SLIT3: variants seen among roughly 807,000 people sequenced by gnomAD.
SLIT3 encodes the protein slit guidance ligand 3, also known as slit homolog 3 protein.
Under a neutral mutation model 184.0 loss-of-function variants are expected in SLIT3, and 68 were observed. That is an observed-to-expected ratio of 0.37 (90% CI 0.30 to 0.45). The LOEUF is 0.45. Among genes scored for constraint, SLIT3 ranks in the 20% least tolerant of loss-of-function variants. SLIT3 has a pLI of 1.00. For missense variants in SLIT3, 1,707 were observed against 2,026.0 expected, an observed-to-expected ratio of 0.84 and a Z score of 3.02; for synonymous variants, 831 against 828.6, an observed-to-expected ratio of 1.00 and a Z score of -0.05.
intron 8 of SLIT3, among the ~76,000 whole-genome samples, chr5:168,808,961 G>A (rs924817084): frequency 1.4e-4 from 22 of 152,258 alleles, no homozygotes; most frequent in African/African-American, 5.1e-4. Context: ...CTTCCTGTTT[G>A]GAAATGTCAG....
intron 7 of SLIT3, among the ~76,000 whole-genome samples, chr5:168,819,406 A>G (rs1757446498): frequency 6.6e-6 from 1 of 152,274 alleles, no homozygotes; most frequent in African/African-American, 2.4e-5. Context: ...AGCAGACCAC[A>G]GGGCAGCCTG....
intron 4 of SLIT3, among the ~76,000 whole-genome samples, chr5:169,146,295 C>T (rs1179241981): frequency 6.6e-6 from 1 of 152,244 alleles, no homozygotes; most frequent in East Asian, 1.9e-4. Context: ...AACGTATTCC[C>T]TCTTAAGCAC....
intron 3 of SLIT3, among the ~76,000 whole-genome samples, chr5:169,209,945 TA>T (rs142411571): frequency 0.26 from 39,935 of 151,746 alleles, 5,990 homozygotes; most frequent in East Asian, 0.64. Flanking sequence ...TAAAGTATAA[TA>T]AAAAAAAATT....
chr5:169,098,588 G>A (rs1759880106), intron 4 of SLIT3, among the ~76,000 whole-genome samples: 1 of 152,184 alleles, frequency 6.6e-6, no homozygotes, highest in Non-Finnish European at 1.5e-5. Context: ...GTCCCGTACA[G>A]TTTAGTAGAC....
Position 168,812,135 on chromosome 5 carries a change from T to C in SLIT3, c.793+5165A>G, listed in dbSNP as rs114712551. ...AAAATACCACATGATCTAAGTTATA[T>C]GTGGAATCTAAGAAAGTTGATCTCA... On this transcript the variant is annotated intron_variant, in intron 8 of 35. Transcript: ENST00000519560. 5.5e-3 allele frequency among the ~76,000 whole-genome samples: 843 copies of C among 152,278 alleles called. 6 individuals carry two copies. The highest frequency in any genetic ancestry group is 0.019 in the African/African-American group (805 of 41,544).
At chr5:168,880,417 GTC>G (rs1759908975) in intron 5 of SLIT3, among the ~76,000 whole-genome samples, 1 of 152,212 alleles carries the variant, frequency 6.6e-6, no homozygotes, top group African/African-American at 2.4e-5. Context: ...CCCATGAGAT[GTC>G]TCTGCTGGAA....
chr5:168,840,665 C>A (rs541628460), intron 6 of SLIT3, among the ~76,000 whole-genome samples: 2 of 152,000 alleles, frequency 1.3e-5, no homozygotes, highest in Non-Finnish European at 2.9e-5. Flanking sequence ...GTGTTGTATG[C>A]GAATTACCAA....
intron 5 of SLIT3, among the ~76,000 whole-genome samples, chr5:168,868,487 C>T (rs919353789): frequency 2.0e-5 from 3 of 152,030 alleles, no homozygotes; most frequent in African/African-American, 7.2e-5. Context: ...CAGCGGCTCA[C>T]GCCTGTAATT....
At chr5:169,188,420 T>A (rs1763432907) in intron 4 of SLIT3, among the ~76,000 whole-genome samples, 1 of 152,128 alleles carries the variant, frequency 6.6e-6, no homozygotes, top group South Asian at 2.1e-4. Context: ...AAGGGAGAAA[T>A]TAATAGCCCA....
intron 4 of SLIT3, among the ~76,000 whole-genome samples, chr5:168,993,716 G>C (rs148838392): frequency 1.8e-3 from 267 of 150,380 alleles, no homozygotes; most frequent in Non-Finnish European, 3.0e-3. Flanking sequence ...AGGCAGAAAA[G>C]AAACAAGACA....
chr5:168,751,344 C>A (rs534746523), intron 18 of SLIT3, among the ~76,000 whole-genome samples: 1 of 152,180 alleles, frequency 6.6e-6, no homozygotes, highest in Non-Finnish European at 1.5e-5. Flanking sequence ...AATAAACCAG[C>A]GACTAAGGAT....
chr5:169,182,552 C>T (rs1278297009), intron 4 of SLIT3, among the ~76,000 whole-genome samples: 1 of 152,198 alleles, frequency 6.6e-6, no homozygotes, highest in Non-Finnish European at 1.5e-5. Flanking sequence ...AATTAAAATA[C>T]TATTTGTCCC....
chr5:169,263,853 G>A (rs937731341), intron 1 of SLIT3, among the ~76,000 whole-genome samples: 5 of 151,094 alleles, frequency 3.3e-5, no homozygotes, highest in Non-Finnish European at 5.9e-5. Flanking sequence ...TGTCTGCCTT[G>A]TCTCCCAAAG....
chr5:168,758,692 A>T (rs1581047791), intron 16 of SLIT3, among the ~76,000 whole-genome samples: 5 of 152,254 alleles, frequency 3.3e-5, no homozygotes, highest in Admixed American at 3.3e-4. Flanking sequence ...GCAGGCAGGG[A>T]CGGAGGGAGG....
At chr5:169,125,283 T>C (rs1467222554) in intron 4 of SLIT3, among the ~76,000 whole-genome samples, 1 of 152,172 alleles carries the variant, frequency 6.6e-6, no homozygotes, top group Non-Finnish European at 1.5e-5. Context: ...TCTGACGTGG[T>C]GATCCACCTG....
intron 4 of SLIT3, among the ~76,000 whole-genome samples, chr5:168,893,250 G>A (rs907918892): frequency 3.3e-5 from 5 of 152,160 alleles, no homozygotes; most frequent in Admixed American, 1.3e-4. Context: ...ATGGAGACTG[G>A]CGTTTTGTTT....
chr5:168,929,778 C>T (rs1279134294), intron 4 of SLIT3, among the ~76,000 whole-genome samples: 1 of 152,196 alleles, frequency 6.6e-6, no homozygotes, highest in Non-Finnish European at 1.5e-5. Context: ...CATACTGGCT[C>T]GTGGGCTGTA....
intron 5 of SLIT3, among the ~76,000 whole-genome samples, chr5:168,859,425 C>T (rs985707317): frequency 1.3e-5 from 2 of 151,954 alleles, no homozygotes; most frequent in Non-Finnish European, 2.9e-5. Flanking sequence ...CTTTGACAAC[C>T]ATAAATGCAA....
At chr5:168,998,380 C>T (rs1050951217) in intron 4 of SLIT3, among the ~76,000 whole-genome samples, 2 of 152,078 alleles carry the variant, frequency 1.3e-5, no homozygotes, top group Non-Finnish European at 2.9e-5. Flanking sequence ...GTTTTGATGC[C>T]ACCCCATGTA....
Sources: gnomAD v4.1 joint callset for allele counts (sites outside exome capture counted in the v4.1 genomes callset) on GRCh38, gnomAD v4.1.1 for gene constraint, MANE v1.5 for transcripts, NCBI Gene and HGNC (gene_info 2026-07-23, HGNC 2026-07-21) for gene names.